The following CGN variants were observed in gnomAD, a reference collection of about 807,000 sequenced individuals.
CGN encodes the protein cingulin.
CGN carries 121 observed loss-of-function variants against 157.1 expected under a neutral mutation model. The observed-to-expected ratio is 0.77, with a 90% CI of 0.66 to 0.90. The LOEUF is 0.90. Among genes scored for constraint, CGN ranks in the 40% least tolerant of loss-of-function variants. The probability of loss-of-function intolerance (pLI) is 0.00; values close to 1 mark genes in which losing one functional copy is unlikely to be tolerated. For missense variants in CGN, 1,424 were observed against 1,520.9 expected, an observed-to-expected ratio of 0.94 and a Z score of 1.06; for synonymous variants, 535 against 607.5, an observed-to-expected ratio of 0.88 and a Z score of 1.76.
upstream of CGN, chr1:151,511,323 A>G (rs1664280010): frequency 6.5e-6 from 1 of 153,214 alleles, no homozygotes; most frequent in South Asian, 1.8e-4. This position sits in a 1 kb window ranked among gnomAD's most constrained non-coding sequence, Gnocchi z 4.8. Flanking sequence ...CGGGGCGGGC[A>G]CTGACGGCCC....
chr1:151,514,650 A>T (rs543178760), intron 1 of CGN, among the ~76,000 whole-genome samples: 58 of 152,274 alleles, frequency 3.8e-4, no homozygotes, highest in African/African-American at 1.3e-3. Flanking sequence ...GGAGCTTATT[A>T]TCTCGTAGGG....
intron 9 of CGN, 49 bp downstream of exon 9, chr1:151,525,839 CCTTT>C (rs1234244679): frequency 2.3e-6 from 3 of 1,286,194 alleles, no homozygotes; most frequent in Non-Finnish European, 3.1e-6. Flanking sequence ...TATGCCACTT[CCTTT>C]CTTTTTTTTA....
At chr1:151,528,140 C>CA (rs1291960580) in intron 10 of CGN, among the ~76,000 whole-genome samples, 16 of 147,304 alleles carry the variant, frequency 1.1e-4, no homozygotes, top group South Asian at 8.6e-4. Flanking sequence ...TGTATTTTTA[C>CA]AAAAAAAATA....
chr1:151,533,927 C>T (rs763087182), intron 14 of CGN, 48 bp from the exon 15 acceptor site: 58 of 1,545,968 alleles, frequency 3.8e-5, no homozygotes, highest in Admixed American at 2.6e-4. Flanking sequence ...CCCCTCAACC[C>T]TCACCTTCTC....
In CGN at chr1:151,537,445, C is replaced by G; in HGVS notation, c.*99C>G. 2 of 1,091,762 alleles carry G rather than the reference C, an allele frequency of 1.8e-6. No homozygotes were observed. The highest frequency in any genetic ancestry group is 5.2e-5 in the Admixed American group (2 of 38,728). 67.6% of individuals were successfully genotyped at this position (1,091,762 alleles called of 1,614,324 possible). A position where few individuals can be genotyped will look rare whatever the true frequency, so the allele number is the denominator to read the frequency against. Reference sequence around the variant, plus strand: ...TGGGTTCTGCATTCCTATGGGTGACCCAATTATTCAGACCTAAGACAGGGA... The same window carrying G: ...TGGGTTCTGCATTCCTATGGGTGACGCAATTATTCAGACCTAAGACAGGGA... On this transcript the variant is annotated 3_prime_UTR_variant, in exon 21 of 21. Coordinates refer to ENST00000271636, the MANE Select transcript of CGN (RefSeq NM_020770.3).
chr1:151,531,657 T>C (rs1017362635), intron 13 of CGN, among the ~76,000 whole-genome samples: 1 of 151,894 alleles, frequency 6.6e-6, no homozygotes, highest in East Asian at 1.9e-4. Context: ...AAATCTTCAT[T>C]GGTAGAATTT....
At chr1:151,523,607 C>A in intron 6 of CGN, 46 bp downstream of exon 6, 1 of 1,536,588 alleles carries the variant, frequency 6.5e-7, no homozygotes, top group Non-Finnish European at 8.7e-7. Flanking sequence ...GGGGCCTAGG[C>A]CAGGTTTAGA....
At chr1:151,528,803 A>G (rs1381926263) in intron 10 of CGN, among the ~76,000 whole-genome samples, 1 of 152,002 alleles carries the variant, frequency 6.6e-6, no homozygotes, top group Non-Finnish European at 1.5e-5. Context: ...CGCCAAACCC[A>G]TTAGCAATAA....
At position 151,535,083 on chromosome 1, in the gene CGN, G is replaced by T. The variant is rs772961697; in HGVS notation, c.2946G>T (p.Lys982Asn). The change falls in exon 16 of 21, where the codon AAG becomes AAT. Residue 982 changes from lysine (K) to asparagine (N), a missense_variant. This residue lies in a region of CGN where 199 missense variants were observed against 272.2 expected (regional missense o/e 0.73). Transcript: ENST00000271636. Reference sequence around the variant, plus strand: ...TGGAAACAGAGTTAGATGAGGAGAAGAACACCGTGGAGCTGCTAACAGATC... The same window carrying T: ...TGGAAACAGAGTTAGATGAGGAGAATAACACCGTGGAGCTGCTAACAGATC... ...SRLETELDEE[K>N]NTVELLTDRV... 1.2e-6 allele frequency: 2 copies of T among 1,614,138 alleles called. No homozygotes were observed. The highest frequency in any genetic ancestry group is 1.7e-6 in the Non-Finnish European group (2 of 1,180,018).
chr1:151,523,366 A>G (rs1664585639), intron 5 of CGN, 68 bp from the exon 6 acceptor site: 1 of 1,469,898 alleles, frequency 6.8e-7, no homozygotes, highest in Non-Finnish European at 9.2e-7. Context: ...AGACATTCCC[A>G]TTATTCTGAG....
chr1:151,518,857 C>T lies in CGN; in HGVS notation c.338C>T (p.Ala113Val). The T allele has an allele frequency of 6.2e-7, 1 of 1,613,898 alleles. No homozygotes were observed. Among genetic ancestry groups the T allele is most frequent in the Admixed American group, 1.7e-5 (1 of 59,962 alleles). Residue 113 changes from alanine to valine, a missense_variant, in exon 2 of 21, where the codon GCC becomes GTC. This residue lies in a region of CGN where 1,187 missense variants were observed against 1,217.6 expected (regional missense o/e 0.97). Coordinates refer to ENST00000271636, the MANE Select transcript of CGN (RefSeq NM_020770.3). Reference protein sequence around the residue: ...NPYSQVKGFPAPSQSSTSDEE... With the variant: ...NPYSQVKGFPVPSQSSTSDEE... ...TACTCTCAGGTCAAGGGATTTCCTGCCCCCTCGCAGAGCAGCACATCTGAT... is the reference window on the plus strand; with the variant it reads ...TACTCTCAGGTCAAGGGATTTCCTGTCCCCTCGCAGAGCAGCACATCTGAT...
chr1:151,528,234 T>A (rs528847377), intron 10 of CGN, among the ~76,000 whole-genome samples: 1 of 151,830 alleles, frequency 6.6e-6, no homozygotes, highest in South Asian at 2.1e-4. Flanking sequence ...TGATCCGCCC[T>A]CCTTGGCCTC....
intron 19 of CGN, 98 bp downstream of exon 19, chr1:151,536,443 C>T: frequency 2.8e-6 from 2 of 709,802 alleles, no homozygotes; most frequent in Non-Finnish European, 5.0e-6. Flanking sequence ...TATAGGTCCT[C>T]CAAACTTAGA....
intron 5 of CGN, 107 bp downstream of exon 5, chr1:151,520,798 G>C: frequency 1.1e-6 from 1 of 878,170 alleles, no homozygotes; most frequent in South Asian, 1.5e-5. Flanking sequence ...AAGCATGTTT[G>C]TGTCTTATGA....
intron 11 of CGN, 42 bp from the exon 12 acceptor site, chr1:151,529,865 CCA>C: frequency 6.4e-7 from 1 of 1,571,338 alleles, no homozygotes. Context: ...GTCTGAGCTG[CCA>C]CGCCCTGGGG....
intron 5 of CGN, among the ~76,000 whole-genome samples, chr1:151,521,966 G>A (rs1161988480): frequency 1.3e-5 from 2 of 152,210 alleles, no homozygotes; most frequent in Non-Finnish European, 2.9e-5. Flanking sequence ...AAGTAAATTG[G>A]AGGATCTGCT....
At position 151,529,411 on chromosome 1, in the gene CGN, T is replaced by G. The variant is rs1571666215; in HGVS notation, c.1958T>G (p.Val653Gly). ...CAGGCAGAACGGCAGAGCCAGGAGG[T>G]GGCTGGGCGACACCGGGACCGGGAG... ...ELQAERQSQEVAGRHRDRELE... is the reference protein window; with the variant it reads ...ELQAERQSQEGAGRHRDRELE... The change falls in exon 11 of 21, where the codon GTG becomes GGG. Residue 653 changes from valine to glycine, a missense_variant. Physicochemically the swap from Val to Gly is moderately radical, Grantham distance 109. Coordinates refer to ENST00000271636, the MANE Select transcript of CGN (RefSeq NM_020770.3). 1 of 1,609,604 alleles carries G rather than the reference T, an allele frequency of 6.2e-7. No individual in the cohort carries two copies. Among genetic ancestry groups the G allele is most frequent in the African/African-American group, 1.4e-5 (1 of 73,360 alleles).
At chr1:151,536,617 C>G in intron 19 of CGN, 113 bp from the exon 20 acceptor site, 1 of 1,097,544 alleles carries the variant, frequency 9.1e-7, no homozygotes, top group East Asian at 2.5e-5. Flanking sequence ...GGAACTTGCC[C>G]AAGGCCACAT....
chr1:151,524,211 G>GT lies in CGN; in HGVS notation c.1269-13dup, dbSNP rs760004538. 6.2e-7 allele frequency: 1 copy of GT among 1,600,958 alleles called. No homozygotes were observed. The highest frequency in any genetic ancestry group is 2.2e-5 in the East Asian group (1 of 44,802). ...TGCCTGACACATAGTGTGCAATAAT[G>GT]TTATCTATTATTAGGCTCCAGAACA... On this transcript the variant is annotated splice_polypyrimidine_tract_variant and intron_variant, in intron 6 of 20. Transcript: ENST00000271636. The surrounding 1 kb of genome is among the most constrained non-coding windows in gnomAD (Gnocchi z 4.4).
Sources: allele counts gnomAD v4.1 joint callset (sites outside exome capture counted in the v4.1 genomes callset), GRCh38; gene constraint gnomAD v4.1.1; regional missense constraint gnomAD v4.1.1; non-coding constraint Gnocchi (gnomAD v3.1); transcripts MANE v1.5; gene names NCBI Gene and HGNC (gene_info 2026-07-23, HGNC 2026-07-21).